SHROOM3: variants seen among roughly 807,000 people sequenced by gnomAD.
SHROOM3 encodes the protein shroom family member 3.
SHROOM3 carries 47 observed loss-of-function variants against 138.6 expected under a neutral mutation model. The observed-to-expected ratio is 0.34, with a 90% CI of 0.27 to 0.43. The LOEUF (loss-of-function observed/expected upper bound fraction) is 0.43, where lower values mean the gene tolerates loss of function less well. Among genes scored for constraint, SHROOM3 ranks in the 20% least tolerant of loss-of-function variants. The probability of loss-of-function intolerance (pLI) is 1.00; values close to 1 mark genes in which losing one functional copy is unlikely to be tolerated. For missense variants in SHROOM3, 2,491 were observed against 2,596.5 expected, an observed-to-expected ratio of 0.96 and a Z score of 0.88; for synonymous variants, 1,062 against 1,063.3, an observed-to-expected ratio of 1.00 and a Z score of 0.02.
chr4:76,617,966 A>T (rs1003356641), intron 2 of SHROOM3, among the ~76,000 whole-genome samples: 5 of 152,246 alleles, frequency 3.3e-5, no homozygotes, highest in South Asian at 2.1e-4. Context: ...AGCTGAGCTT[A>T]GAAACAAGAT....
At chr4:76,477,210 A>AC (rs34699339) in intron 1 of SHROOM3, among the ~76,000 whole-genome samples, 1,863 of 151,078 alleles carry the variant, frequency 0.012, 43 homozygotes, top group African/African-American at 0.043. Context: ...CTCGTGATCC[A>AC]CCCCCCACTC....
At chr4:76,508,738 T>TTTCTTTCAACAA (rs1732267360) in intron 1 of SHROOM3, among the ~76,000 whole-genome samples, 1 of 152,340 alleles carries the variant, frequency 6.6e-6, no homozygotes. Context: ...CAATGTTTCA[T>TTTCTTTCAACAA]GGTTTTCAGT....
intron 1 of SHROOM3, among the ~76,000 whole-genome samples, chr4:76,469,489 C>T (rs949043285): frequency 1.3e-5 from 2 of 151,762 alleles, no homozygotes; most frequent in South Asian, 2.1e-4. Flanking sequence ...CAGAGTCTCA[C>T]TGTGTTGTGC....
chr4:76,521,282 A>ATGTG (rs33995316), intron 1 of SHROOM3, among the ~76,000 whole-genome samples: 5 of 151,448 alleles, frequency 3.3e-5, no homozygotes, highest in African/African-American at 1.2e-4. Flanking sequence ...GTGTATGTAT[A>ATGTG]TGTGTGTGTG....
chr4:76,500,026 C>G (rs756688968), intron 1 of SHROOM3, among the ~76,000 whole-genome samples: 3 of 152,152 alleles, frequency 2.0e-5, no homozygotes, highest in Non-Finnish European at 2.9e-5. Context: ...CAGGCATGGG[C>G]AGGTTAAATG....
In SHROOM3 at chr4:76,739,643, G is replaced by A. The variant is rs1721183701; in HGVS notation, c.1470G>A (p.Met490Ile). 2 of 1,614,078 alleles carry A rather than the reference G, an allele frequency of 1.2e-6. No homozygotes were observed. The highest frequency in any genetic ancestry group is 1.3e-5 in the African/African-American group (1 of 74,934). Residue 490 changes from methionine to isoleucine, a missense_variant, in exon 5 of 11, where the codon ATG becomes ATA. This residue lies in a region of SHROOM3 where 1,733 missense variants were observed against 1,661.6 expected (regional missense o/e 1.04). Coordinates refer to ENST00000296043, the MANE Select transcript of SHROOM3 (RefSeq NM_020859.4). ...AGCCTTCTGTGAGTAGCAACGGTATGCTCTACCCTGCACTGGCCAAGGAGA... is the reference window on the plus strand; with the variant it reads ...AGCCTTCTGTGAGTAGCAACGGTATACTCTACCCTGCACTGGCCAAGGAGA... ...VPQPSVSSNG[M>I]LYPALAKESG...
At chr4:76,520,403 T>C (rs1305174275) in intron 1 of SHROOM3, among the ~76,000 whole-genome samples, 2 of 152,038 alleles carry the variant, frequency 1.3e-5, no homozygotes, top group African/African-American at 4.8e-5. Flanking sequence ...GTGCATGTTA[T>C]GTGCCAGGTG....
chr4:76,552,019 G>C (rs550570562), intron 1 of SHROOM3, among the ~76,000 whole-genome samples: 4 of 106,516 alleles, frequency 3.8e-5, no homozygotes, highest in Non-Finnish European at 7.6e-5. Context: ...CCGCCATCAC[G>C]CCCGGCTAAT....
chr4:76,740,813 G>T lies in SHROOM3; in HGVS notation c.2640G>T (p.Arg880Ser), dbSNP rs1356902226. ...GASDSGRGPQ[R>S]PDARLLRSQS... ...CGGACAGCGGCCGTGGCCCCCAGAG[G>T]CCGGACGCTCGGCTCCTCCGTAGCC... Residue 880 changes from arginine to serine, a missense_variant, in exon 5 of 11, where the codon AGG (arginine) becomes AGT (serine). Coordinates refer to ENST00000296043, the MANE Select transcript of SHROOM3 (RefSeq NM_020859.4). This position sits in a 1 kb window ranked among gnomAD's most constrained non-coding sequence, Gnocchi z 4.0. 5 of 1,606,224 alleles carry T rather than the reference G, an allele frequency of 3.1e-6. No individual in the cohort carries two copies. Among genetic ancestry groups the T allele is most frequent in the Non-Finnish European group, 4.2e-6 (5 of 1,176,592 alleles).
chr4:76,629,521 A>G (rs556317484), intron 2 of SHROOM3, among the ~76,000 whole-genome samples: 8 of 152,228 alleles, frequency 5.3e-5, no homozygotes, highest in Non-Finnish European at 1.2e-4. Context: ...TCTGGCTATG[A>G]AGACTGGAGG....
intron 2 of SHROOM3, among the ~76,000 whole-genome samples, chr4:76,648,204 T>C (rs1052080855): frequency 3.9e-5 from 6 of 152,066 alleles, no homozygotes; most frequent in African/African-American, 1.2e-4. Context: ...GGTGCGTACC[T>C]GTGGTCCCAG....
At chr4:76,560,886 T>C (rs1481512994) in intron 2 of SHROOM3, among the ~76,000 whole-genome samples, 3 of 152,186 alleles carry the variant, frequency 2.0e-5, no homozygotes, top group Non-Finnish European at 2.9e-5. Flanking sequence ...CTGTCTGATT[T>C]TTGCCTCACA....
intron 2 of SHROOM3, among the ~76,000 whole-genome samples, chr4:76,706,354 C>A (rs1360810485): frequency 6.6e-6 from 1 of 152,136 alleles, no homozygotes; most frequent in East Asian, 1.9e-4. Context: ...ACCTCATGAT[C>A]CACCCACCTC....
chr4:76,581,797 T>C (rs1734058490), intron 2 of SHROOM3, among the ~76,000 whole-genome samples: 2 of 152,236 alleles, frequency 1.3e-5, no homozygotes, highest in Non-Finnish European at 2.9e-5. Context: ...ACCTGAAACC[T>C]ATATGTGGGA....
intron 2 of SHROOM3, among the ~76,000 whole-genome samples, chr4:76,649,910 A>G (rs1402466681): frequency 6.6e-6 from 1 of 152,220 alleles, no homozygotes; most frequent in Non-Finnish European, 1.5e-5. Flanking sequence ...TAAGCAACAG[A>G]AATGTATTTT....
chr4:76,738,901 C>G lies in SHROOM3; in HGVS notation c.728C>G (p.Thr243Ser). 1 of 1,614,252 alleles carries G rather than the reference C, an allele frequency of 6.2e-7. No individual in the cohort carries two copies. Among genetic ancestry groups the G allele is most frequent in the Admixed American group, 1.7e-5 (1 of 60,032 alleles). The change falls in exon 5 of 11, where the codon ACC (threonine) becomes AGC (serine). Residue 243 changes from threonine (T) to serine (S), a missense_variant. Transcript: ENST00000296043. ...TGTCATCTTTCCCCTGCCAAGTCCA[C>G]CGGCAGCATTGACCAGCTCAGCCAC... is the stretch of plus-strand genomic sequence containing the variant. Reference protein sequence around the residue: ...PPCHLSPAKSTGSIDQLSHFH... With the variant: ...PPCHLSPAKSSGSIDQLSHFH...
intron 1 of SHROOM3, among the ~76,000 whole-genome samples, chr4:76,486,661 A>G (rs2109990906): frequency 6.6e-6 from 1 of 152,304 alleles, no homozygotes; most frequent in East Asian, 1.9e-4. Flanking sequence ...GTGGACATGT[A>G]GTTTGTACTC....
intron 8 of SHROOM3, 95 bp downstream of exon 8, chr4:76,757,032 A>G: frequency 6.3e-7 from 1 of 1,589,580 alleles, no homozygotes; most frequent in Non-Finnish European, 8.6e-7. Flanking sequence ...ATGTTCTCCT[A>G]CTGCCACAGC....
At position 76,660,544 on chromosome 4, in the gene SHROOM3, C is replaced by T. The variant is rs570982742; in HGVS notation, c.324-49612C>T. Among the ~76,000 whole-genome samples the T allele has an allele frequency of 4.6e-5, 7 of 152,150 alleles. No homozygotes were observed. In the South Asian group the frequency reaches 1.0e-3, roughly 23 times the overall value. ...GGGCTAGAGTGCAGTGGAGCAATCT[C>T]GGCTCACTGCAACCTCCGCCTCCCA... On this transcript the variant is annotated intron_variant, in intron 2 of 10. Coordinates refer to ENST00000296043, the MANE Select transcript of SHROOM3 (RefSeq NM_020859.4).
Sources: gnomAD v4.1 joint callset for allele counts (sites outside exome capture counted in the v4.1 genomes callset) on GRCh38, gnomAD v4.1.1 for gene constraint, gnomAD v4.1.1 regional missense constraint, Gnocchi (gnomAD v3.1) non-coding constraint, MANE v1.5 for transcripts, NCBI Gene and HGNC (gene_info 2026-07-23, HGNC 2026-07-21) for gene names.